ESR1: variants seen among roughly 807,000 people sequenced by gnomAD.
ESR1 encodes the protein estrogen receptor.
Under a neutral mutation model 52.7 loss-of-function variants are expected in ESR1, and 12 were observed. That is an observed-to-expected ratio of 0.23 (90% CI 0.15 to 0.37). The LOEUF is 0.37. Ranked by LOEUF, ESR1 falls within the 10% of genes least tolerant of loss-of-function variation. The pLI is 1.00. For synonymous variants in ESR1, 305 were observed against 316.8 expected (o/e 0.96, Z 0.39); for missense variants, 584 against 779.7 (o/e 0.75, Z 2.99).
chr6:152,036,360 A>AAAAAAC (rs1213340823), intron 5 of ESR1, among the ~76,000 whole-genome samples: 5 of 152,230 alleles, frequency 3.3e-5, no homozygotes, highest in Non-Finnish European at 7.3e-5. Context: ...ACTCCATCTC[A>AAAAAAC]AAAAACAAAA....
In ESR1 at chr6:151,928,407, T is replaced by A. The variant is rs185058907; in HGVS notation, c.761-15766T>A. 1.8e-3 allele frequency among the ~76,000 whole-genome samples: 273 copies of A among 152,320 alleles called. 2 individuals are homozygous for A. The highest frequency in any genetic ancestry group is 3.4e-3 in the Non-Finnish European group (232 of 68,038). ...CTGACTGAGAGCTGCGGCTTGCTGCTGCTGCCCAGCATTAAGTGAGAGTAT... is the reference window on the plus strand; with the variant it reads ...CTGACTGAGAGCTGCGGCTTGCTGCAGCTGCCCAGCATTAAGTGAGAGTAT... On this transcript the variant is annotated intron_variant, in intron 3 of 7. Coordinates refer to ENST00000206249, the MANE Select transcript of ESR1 (RefSeq NM_000125.4).
intron 3 of ESR1, among the ~76,000 whole-genome samples, chr6:151,911,266 C>G (rs1798213412): frequency 1.3e-5 from 2 of 152,118 alleles, no homozygotes; most frequent in Non-Finnish European, 2.9e-5. Context: ...ACCCTCTGGT[C>G]AGTAGCATAT....
intron 1 of ESR1, among the ~76,000 whole-genome samples, chr6:151,677,981 TGAAA>T (rs1423763207): frequency 2.6e-5 from 4 of 152,150 alleles, no homozygotes; most frequent in Non-Finnish European, 4.4e-5. Flanking sequence ...TAAAACGTAA[TGAAA>T]GAAGCAGGAA....
chr6:151,881,681 G>C (rs925570618), intron 3 of ESR1, among the ~76,000 whole-genome samples: 1 of 152,004 alleles, frequency 6.6e-6, no homozygotes, highest in Non-Finnish European at 1.5e-5. Context: ...TCAGGAGTTC[G>C]AGACCAGCTT....
intron 5 of ESR1, among the ~76,000 whole-genome samples, chr6:152,041,855 C>A (rs1379554363): frequency 2.0e-5 from 3 of 152,196 alleles, no homozygotes; most frequent in Non-Finnish European, 4.4e-5. Context: ...GGAGAAAAAG[C>A]CATTTGCCAA....
At chr6:152,009,301 A>G (rs2042582277) in intron 4 of ESR1, among the ~76,000 whole-genome samples, 1 of 152,086 alleles carries the variant, frequency 6.6e-6, no homozygotes, top group African/African-American at 2.4e-5. Flanking sequence ...GGCATGGCTG[A>G]GTGATGTAGT....
At chr6:151,775,760 A>G (rs554084381) in intron 2 of ESR1, among the ~76,000 whole-genome samples, 86 of 152,126 alleles carry the variant, frequency 5.7e-4, no homozygotes, top group African/African-American at 2.0e-3. Context: ...AAAAAAAAAA[A>G]AATCCAAAAA....
At chr6:151,751,302 G>T (rs756445823) in intron 2 of ESR1, among the ~76,000 whole-genome samples, 1 of 152,184 alleles carries the variant, frequency 6.6e-6, no homozygotes, top group Non-Finnish European at 1.5e-5. Flanking sequence ...GTCCATAATT[G>T]TACAGCTAGG....
intron 1 of ESR1, among the ~76,000 whole-genome samples, chr6:151,826,401 G>C (rs1449548259): frequency 6.6e-6 from 1 of 152,186 alleles, no homozygotes; most frequent in East Asian, 1.9e-4. Context: ...ATAGTGTCTA[G>C]AAATGAGAGG....
intron 2 of ESR1, among the ~76,000 whole-genome samples, chr6:151,784,000 C>A (rs964610003): frequency 6.6e-6 from 1 of 152,182 alleles, no homozygotes; most frequent in African/African-American, 2.4e-5. Context: ...AAATGAAATG[C>A]CATTCTTATT....
chr6:151,934,379 G>A (rs559182753), intron 3 of ESR1, among the ~76,000 whole-genome samples: 8 of 152,300 alleles, frequency 5.3e-5, no homozygotes, highest in East Asian at 1.9e-4. Context: ...TGTGAGGATA[G>A]GGATTTGGCT....
intron 1 of ESR1, among the ~76,000 whole-genome samples, chr6:151,825,082 A>T (rs907507486): frequency 6.6e-6 from 1 of 152,128 alleles, no homozygotes; most frequent in Non-Finnish European, 1.5e-5. Flanking sequence ...AGTATTTCAG[A>T]GAAATAAATC....
chr6:151,921,780 G>A (rs983601475), intron 3 of ESR1, among the ~76,000 whole-genome samples: 3 of 152,082 alleles, frequency 2.0e-5, no homozygotes, highest in Non-Finnish European at 4.4e-5. Context: ...CTTTTTAATA[G>A]GGTTGTTTGT....
intron 2 of ESR1, among the ~76,000 whole-genome samples, chr6:151,733,869 C>T (rs917913404): frequency 5.3e-5 from 8 of 152,168 alleles, no homozygotes; most frequent in African/African-American, 1.7e-4. Flanking sequence ...AGGCTGTTCA[C>T]CCTGATTTTC....
intron 2 of ESR1, among the ~76,000 whole-genome samples, chr6:151,781,261 G>T (rs888624371): frequency 6.6e-6 from 1 of 152,224 alleles, no homozygotes; most frequent in South Asian, 2.1e-4. Context: ...GATTCTGGAG[G>T]TTGGAAAGTC....
chr6:151,794,959 C>A (rs1776547737), intron 2 of ESR1, among the ~76,000 whole-genome samples: 1 of 152,148 alleles, frequency 6.6e-6, no homozygotes, highest in South Asian at 2.1e-4. Context: ...TTATCACACT[C>A]TCAGTACCTT....
intron 1 of ESR1, among the ~76,000 whole-genome samples, chr6:151,661,389 A>C (rs746939166): frequency 2.0e-5 from 3 of 152,188 alleles, no homozygotes; most frequent in Non-Finnish European, 2.9e-5. Flanking sequence ...TCTGTTCCCT[A>C]AGGTACATCT....
At chr6:151,737,273 A>G (rs1286966362) in intron 2 of ESR1, among the ~76,000 whole-genome samples, 1 of 152,134 alleles carries the variant, frequency 6.6e-6, no homozygotes, top group African/African-American at 2.4e-5. Flanking sequence ...TTTCTTTACG[A>G]TAGAGTCCTA....
At chr6:151,684,909 C>T (rs918024509) in intron 1 of ESR1, among the ~76,000 whole-genome samples, 1 of 152,072 alleles carries the variant, frequency 6.6e-6, no homozygotes, top group Non-Finnish European at 1.5e-5. Flanking sequence ...TCAAGGCAGG[C>T]GCTTTCCACT....
Sources: allele counts gnomAD v4.1 joint callset (sites outside exome capture counted in the v4.1 genomes callset), GRCh38; gene constraint gnomAD v4.1.1; transcripts MANE v1.5; gene names NCBI Gene and HGNC (gene_info 2026-07-23, HGNC 2026-07-21).